The following MAD1L1 variants were observed in gnomAD, a reference collection of about 807,000 sequenced individuals.
MAD1L1 encodes mitotic spindle assembly checkpoint protein MAD1.
In MAD1L1, 95 loss-of-function variants were observed where a neutral mutation model predicts 96.9. The observed-to-expected ratio is 0.98, with a 90% CI of 0.83 to 1.16. The LOEUF is 1.16. Among genes scored for constraint, MAD1L1 ranks in the 50% most tolerant of loss-of-function variants. The pLI is 0.00. For missense variants in MAD1L1, 1,007 were observed against 954.4 expected (o/e 1.06, Z -0.73); for synonymous variants, 473 against 396.6 (o/e 1.19, Z -2.29).
At chr7:2,073,485 G>T (rs1785231822) in intron 11 of MAD1L1, among the ~76,000 whole-genome samples, 1 of 152,114 alleles carries the variant, frequency 6.6e-6, no homozygotes, top group Non-Finnish European at 1.5e-5. Context: ...ACTAGAGCCT[G>T]GGATCTGTAC....
intron 18 of MAD1L1, among the ~76,000 whole-genome samples, chr7:1,885,296 C>T (rs1402877726): frequency 6.6e-6 from 1 of 152,182 alleles, no homozygotes; most frequent in Non-Finnish European, 1.5e-5. Flanking sequence ...GCCCTCTGCC[C>T]ACACCACAGC....
At chr7:1,822,875 AGACAGAC>A (rs1325090039) in intron 18 of MAD1L1, among the ~76,000 whole-genome samples, 1 of 152,006 alleles carries the variant, frequency 6.6e-6, no homozygotes, top group Non-Finnish European at 1.5e-5. Flanking sequence ...CTCCTACGTC[AGACAGAC>A]ATGGCTGGGG....
intron 18 of MAD1L1, among the ~76,000 whole-genome samples, chr7:1,882,029 G>T (rs898327015): frequency 2.6e-5 from 4 of 152,172 alleles, no homozygotes; most frequent in African/African-American, 9.7e-5. Context: ...AAGGGACCGA[G>T]AATCACTCTG....
chr7:1,818,633 T>C (rs1295513606), intron 18 of MAD1L1, among the ~76,000 whole-genome samples: 1 of 151,840 alleles, frequency 6.6e-6, no homozygotes, highest in Non-Finnish European at 1.5e-5. Flanking sequence ...CTCAAACTCC[T>C]GGCCTGACGT....
At chr7:2,019,957 T>C (rs547477331) in intron 12 of MAD1L1, among the ~76,000 whole-genome samples, 27 of 152,362 alleles carry the variant, frequency 1.8e-4, no homozygotes, top group Middle Eastern at 3.4e-3. Flanking sequence ...AGGCAGATTT[T>C]AATTGGTGAC....
chr7:2,079,144 C>T (rs560518866), intron 11 of MAD1L1, among the ~76,000 whole-genome samples: 4 of 152,314 alleles, frequency 2.6e-5, no homozygotes, highest in East Asian at 1.9e-4. Flanking sequence ...AGGTTGGGGC[C>T]GGGCAGCCGC....
intron 13 of MAD1L1, among the ~76,000 whole-genome samples, chr7:2,008,577 C>A (rs753688809): frequency 6.6e-6 from 1 of 152,216 alleles, no homozygotes. Flanking sequence ...CTTCCCAAGG[C>A]CCGGGGTGGG....
At chr7:1,946,471 G>A (rs1294154557) in intron 16 of MAD1L1, among the ~76,000 whole-genome samples, 2 of 152,248 alleles carry the variant, frequency 1.3e-5, no homozygotes, top group African/African-American at 4.8e-5. Context: ...GCTAAAATTT[G>A]TTGCCTTGTT....
At chr7:1,945,230 G>A (rs1779174950) in intron 16 of MAD1L1, among the ~76,000 whole-genome samples, 1 of 152,232 alleles carries the variant, frequency 6.6e-6, no homozygotes, top group African/African-American at 2.4e-5. Flanking sequence ...ACTCATCTCA[G>A]TAGGCGTCCT....
chr7:2,078,191 T>C (rs1402615671), intron 11 of MAD1L1, among the ~76,000 whole-genome samples: 3 of 152,118 alleles, frequency 2.0e-5, no homozygotes, highest in East Asian at 3.9e-4. Context: ...AATCAATAGC[T>C]GCCTCTGCAG....
chr7:1,858,520 A>T (rs1355258442), intron 18 of MAD1L1, among the ~76,000 whole-genome samples: 1 of 152,166 alleles, frequency 6.6e-6, no homozygotes, highest in Non-Finnish European at 1.5e-5. Flanking sequence ...TGCACACCTG[A>T]GGGACAGGCG....
chr7:2,222,357 G>A (rs1203357470), intron 5 of MAD1L1, among the ~76,000 whole-genome samples: 1 of 152,172 alleles, frequency 6.6e-6, no homozygotes, highest in African/African-American at 2.4e-5. Context: ...TGGGATTACA[G>A]GCGTGAGCCA....
chr7:2,133,173 G>A (rs191209181), intron 11 of MAD1L1, among the ~76,000 whole-genome samples: 5 of 150,808 alleles, frequency 3.3e-5, no homozygotes, highest in Admixed American at 1.3e-4. Flanking sequence ...CTTCACCCAC[G>A]TGTCTGCTTT....
intron 16 of MAD1L1, among the ~76,000 whole-genome samples, chr7:1,937,369 G>C (rs1778669663): frequency 6.6e-6 from 1 of 152,228 alleles, no homozygotes; most frequent in Non-Finnish European, 1.5e-5. Context: ...AGAGATGGAA[G>C]GCAAGGGAGC....
intron 10 of MAD1L1, among the ~76,000 whole-genome samples, chr7:2,160,035 C>G (rs1461032765): frequency 1.3e-5 from 2 of 151,606 alleles, no homozygotes; most frequent in East Asian, 3.9e-4. Context: ...TCAGACCAGC[C>G]TAGGCAACAT....
intron 10 of MAD1L1, among the ~76,000 whole-genome samples, chr7:2,205,202 G>A (rs1219624405): frequency 6.6e-6 from 1 of 150,550 alleles, no homozygotes; most frequent in African/African-American, 2.4e-5. Flanking sequence ...TCCTTGTTTG[G>A]AGATTAAGAC....
chr7:1,962,041 G>T (rs111864122), intron 15 of MAD1L1, among the ~76,000 whole-genome samples: 1 of 150,242 alleles, frequency 6.7e-6, no homozygotes, highest in African/African-American at 2.5e-5. Flanking sequence ...ATCACAGGGC[G>T]GTTTCCCCCA....
intron 12 of MAD1L1, among the ~76,000 whole-genome samples, chr7:2,032,147 C>T (rs954422714): frequency 1.3e-5 from 2 of 152,192 alleles, no homozygotes; most frequent in African/African-American, 2.4e-5. Flanking sequence ...TCATGCGGGA[C>T]GCCCGGCCCC....
chr7:1,974,069 T>G (rs1404638194), intron 15 of MAD1L1, among the ~76,000 whole-genome samples: 1 of 152,168 alleles, frequency 6.6e-6, no homozygotes, highest in African/African-American at 2.4e-5. Context: ...GCATAAGATC[T>G]CCGGGCTGAG....
Sources: allele counts gnomAD v4.1 joint callset (sites outside exome capture counted in the v4.1 genomes callset), GRCh38; gene constraint gnomAD v4.1.1; transcripts MANE v1.5; gene names NCBI Gene and HGNC (gene_info 2026-07-23, HGNC 2026-07-21).